The following DOCK6 variants were observed in gnomAD, a reference collection of about 807,000 sequenced individuals.
The protein encoded by DOCK6 is dedicator of cytokinesis protein 6.
A neutral mutation model predicts 230.3 loss-of-function variants in DOCK6; 167 were observed. The ratio of observed to expected loss-of-function variants is 0.73; its 90% CI spans 0.64 to 0.82. The LOEUF is 0.82. Ranked by LOEUF, DOCK6 falls within the 40% of genes least tolerant of loss-of-function variation. The pLI, the probability that DOCK6 is intolerant of heterozygous loss-of-function variation, is 0.00. For missense variants in DOCK6, 2,598 were observed against 2,825.8 expected, an observed-to-expected ratio of 0.92 and a Z score of 1.83; for synonymous variants, 1,148 against 1,185.0, an observed-to-expected ratio of 0.97 and a Z score of 0.64.
At chr19:11,215,779 C>T (rs201862323) in intron 31 of DOCK6, 22 bp downstream of exon 31, 20 of 1,613,830 alleles carry the variant, frequency 1.2e-5, no homozygotes, top group Middle Eastern at 1.7e-4. Context: ...GATGGGGACA[C>T]GTGGGTATGT....
Position 11,200,694 on chromosome 19 carries a change from TC to T in DOCK6, c.5939+21del. The T allele has an allele frequency of 1.2e-6, 2 of 1,601,176 alleles. No homozygotes were observed. Among genetic ancestry groups the T allele is most frequent in the Non-Finnish European group, 1.7e-6 (2 of 1,174,254 alleles). On this transcript the variant is annotated intron_variant, in intron 46 of 47. Coordinates refer to ENST00000294618, the MANE Select transcript of DOCK6 (RefSeq NM_020812.4). The surrounding 1 kb of genome is among the most constrained non-coding windows in gnomAD (Gnocchi z 4.3). ...GCAGGTTAGGCAGACACGAGACCCC[TC>T]CTGGGGGGTTTTGCGCCTACTTCTT...
rs188066183 is a variant in DOCK6, at chr19:11,245,618, C to T, written c.968G>A (p.Arg323His). Residue 323 changes from arginine to histidine, a missense_variant, in exon 9 of 48, where the codon CGC becomes CAC. Arg to His is a conservative substitution (Grantham distance 29). Coordinates refer to ENST00000294618, the MANE Select transcript of DOCK6 (RefSeq NM_020812.4). ...GTAGGTCACAGAGAAGATGGCAGAG[C>T]GGGCCAGGGTGGAGATGGCAGGGTG... ...GTHPAISTLA[R>H]SAIFSVTYPS... 8.2e-6 allele frequency: 13 copies of T among 1,590,082 alleles called. No homozygotes were observed. The East Asian group carries it at 1.4e-4, about 17-fold the overall frequency.
intron 28 of DOCK6, 88 bp from the exon 29 acceptor site, chr19:11,217,479 A>G (rs2079511297): frequency 3.3e-6 from 5 of 1,511,954 alleles, no homozygotes; most frequent in South Asian, 2.4e-5. Flanking sequence ...CCTCATGGCC[A>G]GGCACAGTGG....
At position 11,221,760 on chromosome 19, in the gene DOCK6, C is replaced by T. The variant is rs1016473255; in HGVS notation, c.3550+91G>A. On this transcript the variant is annotated intron_variant, in intron 28 of 47. Coordinates refer to ENST00000294618, the MANE Select transcript of DOCK6 (RefSeq NM_020812.4). ...CTAATCCTAATGTCTATACTCATAC[C>T]AGTGACTGTGTTCTCCCACCTTTAC... 4 of 1,582,948 alleles carry T rather than the reference C, an allele frequency of 2.5e-6. No individual in the cohort carries two copies. The African/African-American group carries it at 4.0e-5, about 16-fold the overall frequency.
Position 11,228,992 on chromosome 19 carries a change from C to T in DOCK6, c.2762G>A (p.Ser921Asn), listed in dbSNP as rs770473969. The change falls in exon 23 of 48, where the codon AGT becomes AAT. Residue 921 changes from serine (S) to asparagine (N), a missense_variant. Ser to Asn is a conservative substitution (Grantham distance 46). Coordinates refer to ENST00000294618, the MANE Select transcript of DOCK6 (RefSeq NM_020812.4). ...ELALQWVVSSSAVREAILQHA... is the reference protein window; with the variant it reads ...ELALQWVVSSNAVREAILQHA... ...CTGGAGGATGGCCTCGCGTACGGCA[C>T]TGCTGCTGACCACCCACTGCAGAGC... 6 of 1,613,532 alleles carry T rather than the reference C, an allele frequency of 3.7e-6. No homozygotes were observed. The South Asian group carries it at 6.6e-5, about 18-fold the overall frequency.
intron 21 of DOCK6, among the ~76,000 whole-genome samples, chr19:11,234,252 C>T (rs2079812902): frequency 6.6e-6 from 1 of 151,856 alleles, no homozygotes; most frequent in African/African-American, 2.4e-5. Context: ...CCTGACTCAG[C>T]CTCCCAAAGT....
In DOCK6 at chr19:11,243,602, C is replaced by T. The variant is rs777464659; in HGVS notation, c.1213G>A (p.Val405Met). The change falls in exon 11 of 48, where the codon GTG becomes ATG. Residue 405 changes from valine to methionine, a missense_variant. Transcript: ENST00000294618. The surrounding 1 kb of genome is among the most constrained non-coding windows in gnomAD (Gnocchi z 6.3). Reference protein sequence around the residue: ...AWTAVHLANIVSSAGQLDRDS... With the variant: ...AWTAVHLANIMSSAGQLDRDS... ...CGGTCCAGCTGCCCAGCGCTGCTCA[C>T]GATGTTGGCCAAGTGCACGGCCGTC... 5 of 1,610,936 alleles carry T rather than the reference C, an allele frequency of 3.1e-6. No homozygotes were observed. Among genetic ancestry groups the T allele is most frequent in the South Asian group, 2.2e-5 (2 of 90,712 alleles).
Position 11,202,108 on chromosome 19 carries a change from C to T in DOCK6, c.5469G>A (p.Thr1823=), listed in dbSNP as rs142505740. ...LDSQKAYIQI[T]YVEPYFDTYE... The stretch of plus-strand genomic sequence containing the variant: ...AGGTATCAAAGTACGGTTCCACATA[C>T]GTGATCTGGATGTAGGCCTGGGCGC... Residue 1823 remains threonine (T), a synonymous_variant, in exon 44 of 48, where the codon ACG becomes ACA. Transcript: ENST00000294618. The surrounding 1 kb of genome is among the most constrained non-coding windows in gnomAD (Gnocchi z 5.3). 157 of 1,614,008 alleles carry T rather than the reference C, an allele frequency of 9.7e-5. 2 individuals carry two copies. In the East Asian group the frequency reaches 2.8e-3, roughly 28 times the overall value.
At chr19:11,226,360 T>A (rs571747348) in intron 24 of DOCK6, among the ~76,000 whole-genome samples, 1 of 152,314 alleles carries the variant, frequency 6.6e-6, no homozygotes, top group South Asian at 2.1e-4. Context: ...TTGTGAGAAT[T>A]TAATGATACG....
Position 11,239,629 on chromosome 19 carries a change from C to A in DOCK6, c.1644-1325G>T, listed in dbSNP as rs577224723. On this transcript the variant is annotated intron_variant, in intron 14 of 47. Transcript: ENST00000294618. ...GACAGTGCTGTGGCTATACCTTAGA[C>A]CCTCAGTCATGCCAGTGCCTGCTCT... The A allele has an allele frequency of 3.7e-5, 59 of 1,613,706 alleles. No homozygotes were observed. The East Asian group carries it at 1.3e-3, about 35-fold the overall frequency.
In DOCK6 at chr19:11,217,012, G is replaced by A; in HGVS notation, c.3796C>T (p.Pro1266Ser). The A allele has an allele frequency of 1.2e-6, 2 of 1,613,628 alleles. No individual in the cohort carries two copies. Among genetic ancestry groups the A allele is most frequent in the Non-Finnish European group, 1.7e-6 (2 of 1,179,894 alleles). Residue 1266 changes from proline (P) to serine (S), a missense_variant, in exon 30 of 48, where the codon CCG becomes TCG. By Grantham distance (74) the Pro-to-Ser change is moderately conservative. Coordinates refer to ENST00000294618, the MANE Select transcript of DOCK6 (RefSeq NM_020812.4). ...GTGGCCCAGCGCTGCAGGAGCGCCG[G>A]CTCGGTGTTTTTCAGCACCCACAGC... ...CVLWVLKNTE[P>S]ALLQRWATDL...
rs564837219 is a variant in DOCK6, at chr19:11,253,352, C to A, written c.132+287G>T. ...CTCCCCAACTTCTCCCTCCTCCATC[C>A]CCATCTAGGTGGTCCAGGTGGCTGG... On this transcript the variant is annotated intron_variant, in intron 2 of 47. Coordinates refer to ENST00000294618, the MANE Select transcript of DOCK6 (RefSeq NM_020812.4). 6.6e-6 allele frequency among the ~76,000 whole-genome samples: 1 copy of A among 152,304 alleles called. No homozygotes were observed. The highest frequency in any genetic ancestry group is 2.4e-5 in the African/African-American group (1 of 41,558).
At chr19:11,250,340 G>A (rs897426000) in intron 6 of DOCK6, among the ~76,000 whole-genome samples, 1 of 150,518 alleles carries the variant, frequency 6.6e-6, no homozygotes, top group Middle Eastern at 3.4e-3. Context: ...TTGAGACAGA[G>A]TTTTGCTCTG....
chr19:11,232,623 A>C (rs12972244), intron 22 of DOCK6, among the ~76,000 whole-genome samples: 2 of 88,490 alleles, frequency 2.3e-5, no homozygotes, highest in African/African-American at 1.7e-4. Context: ...GCACCTGTGT[A>C]AGTATATGCA....
At chr19:11,234,021 G>A (rs1459353394) in intron 21 of DOCK6, among the ~76,000 whole-genome samples, 4 of 150,322 alleles carry the variant, frequency 2.7e-5, no homozygotes, top group Non-Finnish European at 5.9e-5. Flanking sequence ...TTTTTAATGA[G>A]ACGGAGTCTT....
intron 23 of DOCK6, among the ~76,000 whole-genome samples, chr19:11,228,031 G>A (rs1476719591): frequency 6.2e-5 from 4 of 64,216 alleles, no homozygotes; most frequent in Non-Finnish European, 9.2e-5. Flanking sequence ...TTTTTTTTTT[G>A]AGATGGAGTC....
At position 11,199,380 on chromosome 19, in the gene DOCK6, C is replaced by T. The variant is rs2079127343; in HGVS notation, c.*117G>A. 2 of 1,256,516 alleles carry T rather than the reference C, an allele frequency of 1.6e-6. No individual in the cohort carries two copies. Among genetic ancestry groups the T allele is most frequent in the African/African-American group, 1.5e-5 (1 of 67,134 alleles). 77.8% of individuals were successfully genotyped at this position (1,256,516 alleles called of 1,614,324 possible). ...GACACAGGGGCAGAGGGCCCAGCCCCAAGTACAGTGTGGTCACCCCACAGC... is the reference window on the plus strand; with the variant it reads ...GACACAGGGGCAGAGGGCCCAGCCCTAAGTACAGTGTGGTCACCCCACAGC... On this transcript the variant is annotated 3_prime_UTR_variant, in exon 48 of 48. Transcript: ENST00000294618.
chr19:11,210,579 C>T (rs1037606414), intron 37 of DOCK6, among the ~76,000 whole-genome samples: 7 of 147,094 alleles, frequency 4.8e-5, no homozygotes, highest in Non-Finnish European at 7.5e-5. Flanking sequence ...TGCATCCCCT[C>T]ACCTGTCCAT....
At chr19:11,245,998 C>G in intron 7 of DOCK6, 120 bp from the exon 8 acceptor site, 1 of 1,091,380 alleles carries the variant, frequency 9.2e-7, no homozygotes, top group Non-Finnish European at 1.3e-6. Context: ...ATGGAACCGC[C>G]ACTTAAGGGC....
Sources: gnomAD v4.1 joint callset for allele counts (sites outside exome capture counted in the v4.1 genomes callset) on GRCh38, gnomAD v4.1.1 for gene constraint, Gnocchi (gnomAD v3.1) non-coding constraint, MANE v1.5 for transcripts, NCBI Gene and HGNC (gene_info 2026-07-23, HGNC 2026-07-21) for gene names.